MPC1: variants seen among roughly 807,000 people sequenced by gnomAD.
The protein encoded by MPC1 is HSPC040 protein.
MPC1 carries 6 observed loss-of-function variants against 13.9 expected under a neutral mutation model. The ratio of observed to expected loss-of-function variants is 0.43; its 90% confidence interval spans 0.24 to 0.85. The LOEUF (loss-of-function observed/expected upper bound fraction) is 0.85. Among genes scored for constraint, MPC1 ranks in the 40% least tolerant of loss-of-function variants. MPC1 has a pLI of 0.24. For synonymous variants in MPC1, 47 were observed against 50.5 expected (o/e 0.93, Z 0.29); for missense variants, 115 against 143.3 (o/e 0.80, Z 1.01).
chr6:166,380,086 C>T (rs1779711974), intron 1 of MPC1, among the ~76,000 whole-genome samples: 1 of 152,160 alleles, frequency 6.6e-6, no homozygotes, highest in Non-Finnish European at 1.5e-5. Context: ...GTTCACCTTT[C>T]AAAAATAATT....
chr6:166,382,279 C>T (rs1377655722), intron 1 of MPC1, among the ~76,000 whole-genome samples: 2 of 151,660 alleles, frequency 1.3e-5, no homozygotes, highest in African/African-American at 4.9e-5. Context: ...TGAGGAGCGC[C>T]GTCGCTTTCG....
At chr6:166,367,312 A>G (rs574888578) in intron 2 of MPC1, 1 of 409,182 alleles carries the variant, frequency 2.4e-6, no homozygotes, top group East Asian at 1.4e-4. Flanking sequence ...TCCTTTTCCC[A>G]AATTTTTATG....
rs753601697 is a variant in MPC1 at position 166,366,807 on chromosome 6, G to A, written c.160C>T (p.Arg54Trp). Residue 54 changes from arginine (R) to tryptophan (W), a missense_variant, in exon 3 of 5, where the codon CGG (arginine) becomes TGG (tryptophan). By Grantham distance (101) the Arg-to-Trp change is moderately radical. Around this residue, in one of 3 missense-constraint regions of MPC1, gnomAD observed 71 missense variants for 88.5 expected, o/e 0.80. Coordinates refer to ENST00000360961, the MANE Select transcript of MPC1 (RefSeq NM_016098.4). ...MKKSPEIISG[R>W]MTFALCCYSL... is the part of the protein sequence containing the mutation. ...TCTGCATTCTTACCAAATGTCATCCGCCCACTGATAATCTCTGGAGACTTT... is the reference window on the plus strand; with the variant it reads ...TCTGCATTCTTACCAAATGTCATCCACCCACTGATAATCTCTGGAGACTTT... 6 of 1,613,736 alleles carry A rather than the reference G, an allele frequency of 3.7e-6. No individual in the cohort carries two copies. The East Asian group carries it at 8.9e-5, about 24-fold the overall frequency.
intron 2 of MPC1, chr6:166,369,032 T>G (rs1779275518): frequency 1.4e-6 from 1 of 711,272 alleles, no homozygotes; most frequent in Admixed American, 6.3e-5. Context: ...TAGGTGGGGC[T>G]AAAGCAGAAA....
intron 1 of MPC1, chr6:166,381,690 T>C: frequency 2.7e-6 from 1 of 375,676 alleles, no homozygotes; most frequent in Non-Finnish European, 3.7e-6. Flanking sequence ...ATAGAAAGTG[T>C]ATTTTCAGGC....
chr6:166,369,912 TTC>T, intron 2 of MPC1: 1 of 498,928 alleles, frequency 2.0e-6, no homozygotes, highest in Middle Eastern at 5.4e-4. Context: ...TTTTCCTGCT[TTC>T]TCTTTTTCTT....
At chr6:166,373,431 T>G (rs6907812) in intron 1 of MPC1, among the ~76,000 whole-genome samples, 3,225 of 152,336 alleles carry the variant, frequency 0.021, 116 homozygotes, top group African/African-American at 0.072. Flanking sequence ...GAATTTAAGT[T>G]TCCCTCATGT....
intron 1 of MPC1, among the ~76,000 whole-genome samples, chr6:166,382,231 C>A (rs962035991): frequency 8.7e-5 from 13 of 149,208 alleles, no homozygotes; most frequent in African/African-American, 2.2e-4. Flanking sequence ...CCCACTGTCA[C>A]CCCTGCCGGG....
intron 3 of MPC1, 104 bp from the exon 4 acceptor site, chr6:166,366,210 C>T: frequency 1.5e-6 from 2 of 1,293,928 alleles, no homozygotes; most frequent in Non-Finnish European, 1.0e-6. Context: ...AAAAAAGAAC[C>T]TCTTCTGCGA....
At position 166,365,084 on chromosome 6, in the gene MPC1, G is replaced by A. The variant is rs930413002; in HGVS notation, c.*345C>T. On this transcript the variant is annotated 3_prime_UTR_variant, in exon 5 of 5. Transcript: ENST00000360961. The surrounding 1 kb of genome is among the most constrained non-coding windows in gnomAD (Gnocchi z 4.2). Reference sequence around the variant, plus strand: ...CATTAAAGACAATGTTAAGAATCAGGAGTACTTAAGTGCTAGTGGTTACAA... The same window carrying A: ...CATTAAAGACAATGTTAAGAATCAGAAGTACTTAAGTGCTAGTGGTTACAA... 5 of 190,784 alleles carry A rather than the reference G, an allele frequency of 2.6e-5. No individual in the cohort carries two copies. Among genetic ancestry groups the A allele is most frequent in the Non-Finnish European group, 4.3e-5 (4 of 93,948 alleles). 11.8% of individuals were successfully genotyped at this position (190,784 alleles called of 1,614,324 possible). A position where few individuals can be genotyped will look rare whatever the true frequency, so the allele number is the denominator to read the frequency against.
At chr6:166,367,075 C>G (rs1779186724) in intron 2 of MPC1, 184 bp from the exon 3 acceptor site, 3 of 1,458,544 alleles carry the variant, frequency 2.1e-6, no homozygotes, top group Non-Finnish European at 2.7e-6. Context: ...TCCAAGTGTT[C>G]CTGTAGGAAT....
intron 1 of MPC1, among the ~76,000 whole-genome samples, chr6:166,377,645 T>C (rs924143831): frequency 1.2e-4 from 19 of 152,344 alleles, no homozygotes; most frequent in African/African-American, 4.1e-4. Context: ...TTCTACAGTT[T>C]GCTGAAATTT....
At chr6:166,368,280 G>A (rs1392242180) in intron 2 of MPC1, among the ~76,000 whole-genome samples, 3 of 152,328 alleles carry the variant, frequency 2.0e-5, no homozygotes, top group South Asian at 2.1e-4. Flanking sequence ...AAGTTGGGTC[G>A]GGTGCAGCGG....
chr6:166,381,952 C>T (rs1779799020), intron 1 of MPC1: 2 of 359,834 alleles, frequency 5.6e-6, no homozygotes, highest in African/African-American at 4.4e-5. Flanking sequence ...ACCCGAAGCT[C>T]CGCTCCAACA....
Position 166,367,233 on chromosome 6 carries a change from C to T in MPC1, c.76-342G>A, listed in dbSNP as rs16898896. Reference sequence around the variant, plus strand: ...AAATAAGATTCACTTCTTACACAATCCATTGTTGCTATAATTCAAACCCTG... The same window carrying T: ...AAATAAGATTCACTTCTTACACAATTCATTGTTGCTATAATTCAAACCCTG... On this transcript the variant is annotated intron_variant, in intron 2 of 4. Coordinates refer to ENST00000360961, the MANE Select transcript of MPC1 (RefSeq NM_016098.4). 6,306 of 1,041,514 alleles carry T rather than the reference C, an allele frequency of 6.1e-3. 272 individuals carry two copies. In the African/African-American group the frequency reaches 0.092, roughly 15 times the overall value. 64.5% of individuals were successfully genotyped at this position (1,041,514 alleles called of 1,614,324 possible).
intron 2 of MPC1, among the ~76,000 whole-genome samples, chr6:166,369,177 G>A (rs1163095250): frequency 6.6e-6 from 1 of 152,222 alleles, no homozygotes; most frequent in Non-Finnish European, 1.5e-5. Flanking sequence ...GCTGAGGCAG[G>A]CGGATCATGA....
chr6:166,382,769 C>T, intron 1 of MPC1, 37 bp downstream of exon 1: 2 of 1,555,000 alleles, frequency 1.3e-6, no homozygotes, highest in Non-Finnish European at 1.7e-6. Context: ...CCGGGAGCCC[C>T]TCCGGGTTGC....
Position 166,365,770 on chromosome 6 carries a change from A to G in MPC1, c.305+204T>C, listed in dbSNP as rs1779126737. Among the ~76,000 whole-genome samples, 1 of 152,146 alleles carries G rather than the reference A, an allele frequency of 6.6e-6. No individual in the cohort carries two copies. Among genetic ancestry groups the G allele is most frequent in the South Asian group, 2.1e-4 (1 of 4,830 alleles). On this transcript the variant is annotated intron_variant, in intron 4 of 4. Transcript: ENST00000360961. This position sits in a 1 kb window ranked among gnomAD's most constrained non-coding sequence, Gnocchi z 4.2. Reference sequence around the variant, plus strand: ...CTCTAAAGGTTTCATATTTTGGAGCATTTCAGATTTTTGGATTTGGGATGC... The same window carrying G: ...CTCTAAAGGTTTCATATTTTGGAGCGTTTCAGATTTTTGGATTTGGGATGC...
At chr6:166,368,989 C>G (rs1386090284) in intron 2 of MPC1, 1 of 957,588 alleles carries the variant, frequency 1.0e-6, no homozygotes, top group Non-Finnish European at 1.2e-6. Context: ...ACCACAGTTT[C>G]TCTACCACTG....
Sources: allele counts gnomAD v4.1 joint callset (sites outside exome capture counted in the v4.1 genomes callset), GRCh38; gene constraint gnomAD v4.1.1; regional missense constraint gnomAD v4.1.1; non-coding constraint Gnocchi (gnomAD v3.1); transcripts MANE v1.5; gene names NCBI Gene and HGNC (gene_info 2026-07-23, HGNC 2026-07-21).